Variants in CAPN13 observed in about 807,000 individuals in gnomAD.
CAPN13 encodes the protein calpain-13.
Under a neutral mutation model 98.4 loss-of-function variants are expected in CAPN13, and 90 were observed. The ratio of observed to expected loss-of-function variants is 0.92; its 90% confidence interval spans 0.77 to 1.09. The LOEUF (loss-of-function observed/expected upper bound fraction) is 1.09. Among genes scored for constraint, CAPN13 ranks in the 50% least tolerant of loss-of-function variants. The probability of loss-of-function intolerance (pLI) is 0.00; values close to 1 mark genes in which losing one functional copy is unlikely to be tolerated. For synonymous variants in CAPN13, 330 were observed against 305.5 expected (o/e 1.08, Z -0.84); for missense variants, 887 against 841.3 (o/e 1.05, Z -0.67).
At chr2:30,752,247 AGGGATGCATATG>A (rs1390716500) in intron 10 of CAPN13, among the ~76,000 whole-genome samples, 1 of 152,202 alleles carries the variant, frequency 6.6e-6, no homozygotes. Context: ...GCCCAGAGGA[AGGGATGCATATG>A]CATCCCTGGG....
rs1572848946 is a variant in CAPN13 at position 30,770,303 on chromosome 2, T to A, written c.524+10A>T. On this transcript the variant is annotated intron_variant, in intron 5 of 22. Coordinates refer to ENST00000295055, the MANE Select transcript of CAPN13 (RefSeq NM_144575.3). ...AACTCTGGGCTGATGGGTGGCGGGG[T>A]TGTACTTACTTGGCATAGGCCTTCT... is the stretch of plus-strand genomic sequence containing the variant. 1 of 1,612,400 alleles carries A rather than the reference T, an allele frequency of 6.2e-7. No individual in the cohort carries two copies. Among genetic ancestry groups the A allele is most frequent in the Admixed American group, 1.7e-5 (1 of 59,896 alleles).
At chr2:30,753,465 G>T (rs113111573) in intron 9 of CAPN13, among the ~76,000 whole-genome samples, 1 of 152,320 alleles carries the variant, frequency 6.6e-6, no homozygotes, top group Non-Finnish European at 1.5e-5. Flanking sequence ...CCATTGATCC[G>T]ATGGTGAGCC....
At position 30,787,345 on chromosome 2, in the gene CAPN13, C is replaced by G. The variant is rs1674345350; in HGVS notation, c.-20G>C. The G allele has an allele frequency of 6.3e-7, 1 of 1,599,120 alleles. No homozygotes were observed. Among genetic ancestry groups the G allele is most frequent in the African/African-American group, 1.3e-5 (1 of 74,372 alleles). On this transcript the variant is annotated 5_prime_UTR_variant, in exon 2 of 23. Coordinates refer to ENST00000295055, the MANE Select transcript of CAPN13 (RefSeq NM_144575.3). The stretch of plus-strand genomic sequence containing the variant: ...CGCCATGACTCTCCTTAGAAGACTT[C>G]CGAGGTCCTTTCCTGTTGGTGAGAA...
intron 5 of CAPN13, 125 bp from the exon 6 acceptor site, chr2:30,764,431 G>A (rs934703653): frequency 5.2e-6 from 5 of 960,108 alleles, no homozygotes; most frequent in African/African-American, 3.3e-5. Flanking sequence ...CCTGATCATG[G>A]CCACCCACCT....
chr2:30,737,465 G>A (rs543177716), intron 17 of CAPN13: 2 of 152,648 alleles, frequency 1.3e-5, no homozygotes, highest in East Asian at 3.9e-4. Flanking sequence ...TACGCAGGAA[G>A]AGGATGGCTC....
chr2:30,760,456 AG>A (rs1415272620), intron 7 of CAPN13, among the ~76,000 whole-genome samples: 1 of 152,184 alleles, frequency 6.6e-6, no homozygotes, highest in Non-Finnish European at 1.5e-5. Flanking sequence ...GGAGAAAAGC[AG>A]CCTGCGATTC....
At chr2:30,799,583 C>T (rs1358698774) in intron 1 of CAPN13, among the ~76,000 whole-genome samples, 1 of 152,174 alleles carries the variant, frequency 6.6e-6, no homozygotes, top group Non-Finnish European at 1.5e-5. Flanking sequence ...AGCTTCAAAG[C>T]TGGGGTGATC....
chr2:30,780,732 C>T (rs902949271), intron 2 of CAPN13, among the ~76,000 whole-genome samples: 1 of 152,178 alleles, frequency 6.6e-6, no homozygotes, highest in Admixed American at 6.5e-5. Context: ...CTCTAAGCTG[C>T]TTGTTCCTTC....
At chr2:30,731,118 C>T (rs2147943478) in intron 21 of CAPN13, among the ~76,000 whole-genome samples, 1 of 152,348 alleles carries the variant, frequency 6.6e-6, no homozygotes, top group East Asian at 1.9e-4. Flanking sequence ...CCCACATAAT[C>T]CTCTGCTTTA....
At chr2:30,738,077 T>G (rs1671465964) in intron 17 of CAPN13, 158 bp downstream of exon 17, 8 of 721,080 alleles carry the variant, frequency 1.1e-5, no homozygotes. Context: ...CTGTGGTATG[T>G]TAGTGAGTTA....
chr2:30,728,263 C>G (rs971821171), intron 22 of CAPN13, among the ~76,000 whole-genome samples: 2 of 151,118 alleles, frequency 1.3e-5, no homozygotes, highest in African/African-American at 4.9e-5. Flanking sequence ...TGTTGCACAC[C>G]TCTGACTACG....
At chr2:30,798,579 G>A (rs1675010228) in intron 1 of CAPN13, among the ~76,000 whole-genome samples, 1 of 152,300 alleles carries the variant, frequency 6.6e-6, no homozygotes, top group South Asian at 2.1e-4. Flanking sequence ...TTTGCATTTT[G>A]TTTTCAATCA....
intron 22 of CAPN13, among the ~76,000 whole-genome samples, chr2:30,728,538 T>A (rs1670941491): frequency 6.6e-6 from 1 of 151,780 alleles, no homozygotes; most frequent in African/African-American, 2.4e-5. Flanking sequence ...GGGAAAAGCA[T>A]GGAAAATAGA....
intron 19 of CAPN13, 67 bp downstream of exon 19, chr2:30,734,382 C>G: frequency 2.5e-6 from 3 of 1,224,332 alleles, no homozygotes; most frequent in South Asian, 1.2e-5. Flanking sequence ...AGCCTTGCTA[C>G]TAGGGGTGTG....
chr2:30,757,996 C>T (rs773545557), intron 8 of CAPN13, 50 bp downstream of exon 8: 18 of 1,430,056 alleles, frequency 1.3e-5, no homozygotes, highest in African/African-American at 4.4e-5. Flanking sequence ...GAGGCTCTAC[C>T]GACACCAAGC....
chr2:30,789,014 G>A (rs911701976), intron 1 of CAPN13, among the ~76,000 whole-genome samples: 1 of 152,128 alleles, frequency 6.6e-6, no homozygotes, highest in African/African-American at 2.4e-5. Flanking sequence ...AATACAAACA[G>A]CTCTGTTTAG....
At chr2:30,803,160 C>T (rs1187869134) in intron 1 of CAPN13, among the ~76,000 whole-genome samples, 1 of 152,178 alleles carries the variant, frequency 6.6e-6, no homozygotes, top group Admixed American at 6.5e-5. Flanking sequence ...GCTGCCACGT[C>T]TGGTTAAGGA....
chr2:30,750,801 C>T (rs1672135511), intron 11 of CAPN13, among the ~76,000 whole-genome samples: 1 of 152,250 alleles, frequency 6.6e-6, no homozygotes, highest in African/African-American at 2.4e-5. Flanking sequence ...GTTAGAACAG[C>T]TGGTCTTGGC....
chr2:30,754,433 A>G, intron 8 of CAPN13, 69 bp from the exon 9 acceptor site: 2 of 1,315,328 alleles, frequency 1.5e-6, no homozygotes, highest in South Asian at 1.5e-5. Flanking sequence ...TGTGTGGGTC[A>G]ACAGGGACCC....
Sources: gnomAD v4.1 joint callset for allele counts (sites outside exome capture counted in the v4.1 genomes callset) on GRCh38, gnomAD v4.1.1 for gene constraint, MANE v1.5 for transcripts, NCBI Gene and HGNC (gene_info 2026-07-23, HGNC 2026-07-21) for gene names.